Variants in MID2 observed in about 807,000 individuals in gnomAD.
MID2 encodes probable E3 ubiquitin-protein ligase MID2.
A neutral mutation model predicts 46.1 loss-of-function variants in MID2; 13 were observed. The observed-to-expected ratio is 0.28, with a 90% CI of 0.18 to 0.45. MID2 has a LOEUF of 0.45. MID2 is among the 20% of genes least tolerant of loss of function. The pLI is 1.00. For missense variants in MID2, 431 were observed against 575.4 expected, an observed-to-expected ratio of 0.75 and a Z score of 2.57; for synonymous variants, 199 against 212.3, an observed-to-expected ratio of 0.94 and a Z score of 0.55.
chrX:107,901,272 A>G (rs1932792873), intron 3 of MID2: 1 of 111,961 alleles, frequency 8.9e-6, no homozygotes, highest in African/African-American at 3.3e-5. Flanking sequence ...CATGATTAAA[A>G]AGGAAAGGAG....
At chrX:107,906,137 AT>A (rs1235061524) in intron 5 of MID2, among the ~76,000 whole-genome samples, 1 of 111,770 alleles carries the variant, frequency 8.9e-6, no homozygotes, top group Non-Finnish European at 1.9e-5. Flanking sequence ...TTTCTATACT[AT>A]TTCAGAGGAC....
At chrX:107,912,140 A>G (rs1932903958) in intron 5 of MID2, among the ~76,000 whole-genome samples, 1 of 111,303 alleles carries the variant, frequency 9.0e-6, no homozygotes, top group African/African-American at 3.3e-5. Flanking sequence ...CTTTCTCTGG[A>G]CTGTTATTGG....
At chrX:107,878,189 G>A (rs1051986860) in intron 3 of MID2, among the ~76,000 whole-genome samples, 1 of 111,039 alleles carries the variant, frequency 9.0e-6, no homozygotes, top group Non-Finnish European at 1.9e-5. Context: ...CTGGACAGCT[G>A]CCCGTGTGGG....
chrX:107,916,465 T>C (rs1227516002), intron 6 of MID2, among the ~76,000 whole-genome samples: 2 of 111,866 alleles, frequency 1.8e-5, no homozygotes, highest in African/African-American at 6.5e-5. Context: ...TTAGGGAATA[T>C]TAGAGAATGC....
At chrX:107,844,125 G>C (rs1931408252) in intron 2 of MID2, among the ~76,000 whole-genome samples, 1 of 111,244 alleles carries the variant, frequency 9.0e-6, no homozygotes, top group Non-Finnish European at 1.9e-5. Context: ...AGGATTAGTG[G>C]CTTCTAATAT....
intron 1 of MID2, among the ~76,000 whole-genome samples, chrX:107,828,310 C>CTTTTTTTTTTTTTTTTTTTTT (rs766362742): frequency 2.4e-5 from 2 of 83,023 alleles, no homozygotes; most frequent in African/African-American, 5.4e-5. Flanking sequence ...TCTTTCTTTT[C>CTTTTTTTTTTTTTTTTTTTTT]TTTTTTTTTT....
In MID2 at chrX:107,901,238, G is replaced by C. The variant is rs764554166; in HGVS notation, c.817-2720G>C. On this transcript the variant is annotated intron_variant, in intron 3 of 9. Transcript: ENST00000262843. The stretch of plus-strand genomic sequence containing the variant: ...GTTGGTTGTAAACACTACTGCACTT[G>C]GACCAGCCACTGAGGAAATTTAGCA... 8.1e-5 allele frequency: 9 copies of C among 111,721 alleles called. No individual in the cohort carries two copies. In the Admixed American group the frequency reaches 8.6e-4, roughly 11 times the overall value. The allele number at this position is 111,721 out of a possible 1,213,427, so 9.2% of individuals were successfully genotyped here. A position where few individuals can be genotyped will look rare whatever the true frequency, so the allele number is the denominator to read the frequency against.
intron 2 of MID2, among the ~76,000 whole-genome samples, chrX:107,845,802 C>T (rs1040858894): frequency 1.8e-5 from 2 of 111,101 alleles, no homozygotes; most frequent in African/African-American, 6.6e-5. Flanking sequence ...ACTTGACACC[C>T]ACTACTGTCT....
At chrX:107,856,243 G>A (rs1931735971) in intron 3 of MID2, among the ~76,000 whole-genome samples, 1 of 111,624 alleles carries the variant, frequency 9.0e-6, no homozygotes, top group African/African-American at 3.3e-5. Context: ...TCCCTCTAAT[G>A]TTCCACTCTG....
intron 1 of MID2, among the ~76,000 whole-genome samples, chrX:107,828,711 G>A (rs1208670068): frequency 1.8e-5 from 2 of 112,465 alleles, no homozygotes; most frequent in Admixed American, 1.9e-4. Context: ...AAGAAGATCA[G>A]AGTTCATCCC....
chrX:107,906,967 A>C (rs904455301), intron 5 of MID2, among the ~76,000 whole-genome samples: 4 of 111,963 alleles, frequency 3.6e-5, no homozygotes, highest in Admixed American at 2.8e-4. Flanking sequence ...CTTTCTTCCG[A>C]CCTACCAGCT....
intron 5 of MID2, among the ~76,000 whole-genome samples, chrX:107,907,431 T>C (rs999855421): frequency 8.9e-6 from 1 of 112,333 alleles, no homozygotes; most frequent in Non-Finnish European, 1.9e-5. Flanking sequence ...ACTTCTCATA[T>C]CAAACTTCTG....
chrX:107,923,081 A>G (rs1384216947), intron 7 of MID2, among the ~76,000 whole-genome samples: 3 of 111,749 alleles, frequency 2.7e-5, no homozygotes, highest in Non-Finnish European at 5.6e-5. Context: ...CGTTTCTTTT[A>G]CTAGTTTTAA....
At chrX:107,886,761 A>C (rs979748414) in intron 3 of MID2, among the ~76,000 whole-genome samples, 4 of 111,479 alleles carry the variant, frequency 3.6e-5, no homozygotes, top group Non-Finnish European at 7.5e-5. Flanking sequence ...ATGAGCATGG[A>C]ATGTTCTTCC....
At chrX:107,917,310 T>C (rs1001828881) in intron 6 of MID2, among the ~76,000 whole-genome samples, 196 bp from the exon 7 acceptor site, 13 of 111,844 alleles carry the variant, frequency 1.2e-4, no homozygotes, top group African/African-American at 4.2e-4. Flanking sequence ...ATATTTTTAT[T>C]GATGTAGCAA....
intron 1 of MID2, among the ~76,000 whole-genome samples, chrX:107,833,858 A>G (rs1331055546): frequency 9.0e-6 from 1 of 111,521 alleles, no homozygotes; most frequent in Non-Finnish European, 1.9e-5. Flanking sequence ...CAGTGGCACA[A>G]TTACGGCTTA....
chrX:107,891,699 C>A (rs1242251178), intron 3 of MID2, among the ~76,000 whole-genome samples: 3 of 111,961 alleles, frequency 2.7e-5, no homozygotes, highest in Non-Finnish European at 3.8e-5. Flanking sequence ...TCTTTGTTGC[C>A]CAGTCACAGA....
intron 1 of MID2, among the ~76,000 whole-genome samples, 175 bp downstream of exon 1, chrX:107,826,605 C>T (rs1423640039): frequency 7.1e-5 from 8 of 112,492 alleles, no homozygotes; most frequent in Admixed American, 2.8e-4. Context: ...GCGACGGGGG[C>T]CCCAGCTCAG....
chrX:107,836,129 A>G lies in MID2; in HGVS notation c.5-4541A>G, dbSNP rs139091731. On this transcript the variant is annotated intron_variant, in intron 1 of 9. Coordinates refer to ENST00000262843, the MANE Select transcript of MID2 (RefSeq NM_012216.4). ...TTGTTGAAAAGAGTATTCTTTCTCC[A>G]TCGAATGGTCTTGGAACCCTTGTTG... 3.3e-3 allele frequency among the ~76,000 whole-genome samples: 375 copies of G among 112,620 alleles called. 4 individuals are homozygous for G. Among genetic ancestry groups the G allele is most frequent in the Admixed American group, 0.031 (329 of 10,650 alleles).
Sources: allele counts gnomAD v4.1 joint callset (sites outside exome capture counted in the v4.1 genomes callset), GRCh38; gene constraint gnomAD v4.1.1; transcripts MANE v1.5; gene names NCBI Gene and HGNC (gene_info 2026-07-23, HGNC 2026-07-21).